The following AFG2A variants were observed in gnomAD, a reference collection of about 807,000 sequenced individuals.
AFG2A encodes the protein ATPase family gene 2 protein homolog A.
chr4:123,227,770 A>G, the AFG2A span, among the ~76,000 whole-genome samples: 1 of 151,996 alleles, frequency 6.6e-6, no homozygotes, highest in Non-Finnish European at 1.5e-5. Flanking sequence ...TATCCTTGTT[A>G]ACTTTCTGTC....
the AFG2A span, among the ~76,000 whole-genome samples, chr4:123,300,805 T>G: frequency 3.9e-5 from 6 of 151,998 alleles, no homozygotes; most frequent in African/African-American, 9.7e-5. Context: ...AGGTTTCTCT[T>G]CATGTCGATA....
At chr4:123,304,738 C>T in the AFG2A span, among the ~76,000 whole-genome samples, 1 of 152,204 alleles carries the variant, frequency 6.6e-6, no homozygotes, top group Non-Finnish European at 1.5e-5. Context: ...CAGTGGAAGG[C>T]GTGCTTGCTT....
the AFG2A span, among the ~76,000 whole-genome samples, chr4:122,984,000 C>G: frequency 6.6e-6 from 1 of 152,176 alleles, no homozygotes; most frequent in Admixed American, 6.5e-5. Flanking sequence ...CAGCCCTAGA[C>G]CTTCTTCTGA....
the AFG2A span, among the ~76,000 whole-genome samples, chr4:123,298,112 TACAC>T: frequency 6.0e-5 from 9 of 150,248 alleles, no homozygotes; most frequent in South Asian, 2.1e-4. Context: ...TGCATACACA[TACAC>T]ACACACACAC....
the AFG2A span, chr4:122,934,540 A>G: frequency 1.9e-6 from 3 of 1,614,068 alleles, no homozygotes; most frequent in African/African-American, 4.0e-5. Flanking sequence ...CATAGGAGCA[A>G]AGTGCAATAC....
the AFG2A span, among the ~76,000 whole-genome samples, chr4:123,201,649 T>C: frequency 9.2e-5 from 14 of 152,218 alleles, no homozygotes; most frequent in Non-Finnish European, 1.9e-4. Context: ...CCAGGCACGG[T>C]GGCTCATGCC....
chr4:123,115,818 C>T, the AFG2A span, among the ~76,000 whole-genome samples: 3 of 152,252 alleles, frequency 2.0e-5, no homozygotes, highest in East Asian at 3.9e-4. Flanking sequence ...TATATTTTGC[C>T]GTCCTTGTTG....
the AFG2A span, among the ~76,000 whole-genome samples, chr4:123,251,541 T>C: frequency 1.3e-5 from 2 of 152,180 alleles, no homozygotes; most frequent in Non-Finnish European, 2.9e-5. Flanking sequence ...TTAATAAGGA[T>C]ATAATAATAT....
the AFG2A span, among the ~76,000 whole-genome samples, chr4:123,300,829 G>C: frequency 6.6e-6 from 1 of 151,202 alleles, no homozygotes; most frequent in Non-Finnish European, 1.5e-5. Context: ...ATCTAAACAA[G>C]CATTTAGTTA....
the AFG2A span, among the ~76,000 whole-genome samples, chr4:123,079,917 T>A: frequency 0.45 from 68,405 of 151,114 alleles, 18,480 homozygotes; most frequent in Non-Finnish European, 0.6. Context: ...ACCCGGCTAA[T>A]TTTTTGTATT....
At chr4:123,093,060 A>G in the AFG2A span, among the ~76,000 whole-genome samples, 1 of 152,170 alleles carries the variant, frequency 6.6e-6, no homozygotes, top group African/African-American at 2.4e-5. Context: ...ATTTGATTGA[A>G]TAAGTGGGAG....
At chr4:123,115,145 G>A in the AFG2A span, among the ~76,000 whole-genome samples, 1 of 152,002 alleles carries the variant, frequency 6.6e-6, no homozygotes, top group Non-Finnish European at 1.5e-5. Flanking sequence ...CTGGGCTGCC[G>A]TCCAAGGCAA....
At chr4:123,220,491 G>A in the AFG2A span, among the ~76,000 whole-genome samples, 3 of 151,618 alleles carry the variant, frequency 2.0e-5, no homozygotes, top group Non-Finnish European at 4.4e-5. Flanking sequence ...GTGCACGCCT[G>A]TAATCCCAGC....
chr4:122,966,366 A>G, the AFG2A span, among the ~76,000 whole-genome samples: 1 of 152,218 alleles, frequency 6.6e-6, no homozygotes, highest in African/African-American at 2.4e-5. Flanking sequence ...ACGAAGTAAT[A>G]GAGTTGGATG....
the AFG2A span, among the ~76,000 whole-genome samples, chr4:123,147,384 A>G: frequency 6.6e-6 from 1 of 152,114 alleles, no homozygotes; most frequent in African/African-American, 2.4e-5. Flanking sequence ...GAGAGAATAG[A>G]TGGCACTAAA....
the AFG2A span, among the ~76,000 whole-genome samples, chr4:123,312,704 CA>C: frequency 6.6e-6 from 1 of 152,108 alleles, no homozygotes; most frequent in African/African-American, 2.4e-5. Context: ...TTCAGAAAAA[CA>C]TTAACATGCA....
At chr4:123,041,702 A>G in the AFG2A span, among the ~76,000 whole-genome samples, 1 of 151,256 alleles carries the variant, frequency 6.6e-6, no homozygotes, top group Admixed American at 6.6e-5. Flanking sequence ...CTAATTTTGT[A>G]TTTTTAGTAG....
chr4:123,313,271 G>A, the AFG2A span, among the ~76,000 whole-genome samples: 4 of 152,224 alleles, frequency 2.6e-5, no homozygotes, highest in East Asian at 7.7e-4. Context: ...TGAGTAAACA[G>A]CATTCACTTC....
chr4:122,946,881 A>T, the AFG2A span, among the ~76,000 whole-genome samples: 2 of 152,120 alleles, frequency 1.3e-5, no homozygotes, highest in African/African-American at 4.8e-5. Context: ...AAACAATTAA[A>T]ACAATTATAT....
Sources: allele counts gnomAD v4.1 joint callset (sites outside exome capture counted in the v4.1 genomes callset), GRCh38; gene constraint gnomAD v4.1.1; transcripts MANE v1.5; gene names NCBI Gene and HGNC (gene_info 2026-07-23, HGNC 2026-07-21).